EPHA6: variants seen among roughly 807,000 people sequenced by gnomAD.
EPHA6 encodes the protein EPH receptor A6.
In EPHA6, 50 loss-of-function variants were observed where a neutral mutation model predicts 112.0. The ratio of observed to expected loss-of-function variants is 0.45; its 90% CI spans 0.36 to 0.56. The LOEUF (loss-of-function observed/expected upper bound fraction) is 0.56. Ranked by LOEUF, EPHA6 falls within the 20% of genes least tolerant of loss-of-function variation. The pLI is 0.00. For missense variants in EPHA6, 1,280 were observed against 1,417.4 expected (o/e 0.90, Z 1.56); for synonymous variants, 529 against 490.7 (o/e 1.08, Z -1.03).
intron 3 of EPHA6, among the ~76,000 whole-genome samples, chr3:97,217,826 C>T (rs895597943): frequency 1.3e-5 from 2 of 152,106 alleles, no homozygotes; most frequent in Non-Finnish European, 2.9e-5. Context: ...GAGTCCATCT[C>T]TGAAGGAAAT....
intron 5 of EPHA6, among the ~76,000 whole-genome samples, chr3:97,321,795 A>G (rs765420718): frequency 6.6e-6 from 1 of 152,108 alleles, no homozygotes. Context: ...TTTGTTAACT[A>G]TAGACTAGCT....
At position 97,759,707 on chromosome 3, in the gene EPHA6, GT is replaced by G. The variant is rs768129232; in HGVS notation, c.*11015del. The stretch of plus-strand genomic sequence containing the variant: ...GAAAGGGAAGGATGTCACTACGTAA[GT>G]TTTTTTTTAATTTTACCAAGAATGA... On this transcript the variant is annotated 3_prime_UTR_variant, in exon 18 of 18. Coordinates refer to ENST00000389672, the MANE Select transcript of EPHA6 (RefSeq NM_001080448.3). The G allele has an allele frequency of 8.9e-5, 20 of 225,982 alleles. No individual in the cohort carries two copies. Among genetic ancestry groups the G allele is most frequent in the African/African-American group, 1.3e-4 (6 of 44,840 alleles). 14.0% of individuals were successfully genotyped at this position (225,982 alleles called of 1,614,324 possible).
chr3:97,687,702 A>G (rs1056526511), intron 14 of EPHA6, among the ~76,000 whole-genome samples: 1 of 152,232 alleles, frequency 6.6e-6, no homozygotes, highest in African/African-American at 2.4e-5. Flanking sequence ...TTGGTGTGAT[A>G]ATGCTGCATA....
chr3:97,553,940 C>T (rs1217124400), intron 11 of EPHA6, among the ~76,000 whole-genome samples: 1 of 152,078 alleles, frequency 6.6e-6, no homozygotes, highest in African/African-American at 2.4e-5. Context: ...TGTTTGTATG[C>T]ATCATCTATA....
intron 2 of EPHA6, among the ~76,000 whole-genome samples, chr3:96,935,392 T>C (rs925363765): frequency 6.6e-6 from 1 of 151,542 alleles, no homozygotes; most frequent in Admixed American, 6.6e-5. Flanking sequence ...ATATTTAATT[T>C]TGGTTAAACA....
chr3:97,457,955 C>CT (rs2090748865), intron 7 of EPHA6, among the ~76,000 whole-genome samples: 1 of 149,318 alleles, frequency 6.7e-6, no homozygotes, highest in Non-Finnish European at 1.5e-5. Context: ...GTAGTCCCAG[C>CT]TACTAGGGAG....
intron 1 of EPHA6, among the ~76,000 whole-genome samples, chr3:96,826,828 C>T (rs1204784893): frequency 1.3e-5 from 2 of 152,050 alleles, no homozygotes; most frequent in Non-Finnish European, 2.9e-5. Flanking sequence ...CTTCTGAAGA[C>T]TCATGCACAC....
At chr3:97,172,069 G>A (rs1236452527) in intron 3 of EPHA6, among the ~76,000 whole-genome samples, 1 of 151,914 alleles carries the variant, frequency 6.6e-6, no homozygotes, top group African/African-American at 2.4e-5. Context: ...AAATGATGAG[G>A]GGAAGCCAGG....
chr3:97,562,949 C>T (rs1328160762), intron 11 of EPHA6, among the ~76,000 whole-genome samples: 1 of 152,026 alleles, frequency 6.6e-6, no homozygotes. Flanking sequence ...TTAATTAAAC[C>T]AAATACAAAA....
intron 3 of EPHA6, among the ~76,000 whole-genome samples, chr3:97,060,755 C>CA (rs1037112773): frequency 1.9e-3 from 272 of 146,302 alleles, no homozygotes; most frequent in African/African-American, 3.0e-3. Flanking sequence ...ACTAAAAATA[C>CA]AAAAAAAAAA....
chr3:96,940,201 TGTTAAA>T (rs2040855534), intron 2 of EPHA6, among the ~76,000 whole-genome samples: 1 of 152,196 alleles, frequency 6.6e-6, no homozygotes, highest in Admixed American at 6.5e-5. Flanking sequence ...GACAGTGTGG[TGTTAAA>T]GTCTTCCATT....
chr3:97,364,195 C>T (rs762111684), intron 5 of EPHA6, among the ~76,000 whole-genome samples: 3 of 151,676 alleles, frequency 2.0e-5, no homozygotes, highest in Non-Finnish European at 4.4e-5. Context: ...AAAAAGAGTT[C>T]TGAATTAGTG....
intron 6 of EPHA6, among the ~76,000 whole-genome samples, chr3:97,418,228 A>G (rs997648097): frequency 1.3e-5 from 2 of 151,620 alleles, no homozygotes; most frequent in Non-Finnish European, 1.5e-5. Flanking sequence ...CTAATAAATG[A>G]TACTAATAAT....
intron 7 of EPHA6, among the ~76,000 whole-genome samples, chr3:97,450,442 G>A (rs1165260455): frequency 6.6e-6 from 1 of 151,950 alleles, no homozygotes; most frequent in Non-Finnish European, 1.5e-5. Context: ...TGACATTGTT[G>A]AGTATTGCAT....
chr3:97,128,854 C>T (rs543709698), intron 3 of EPHA6, among the ~76,000 whole-genome samples: 2 of 147,518 alleles, frequency 1.4e-5, no homozygotes, highest in East Asian at 4.0e-4. Flanking sequence ...CTTTCTTCTA[C>T]TACCTGAATT....
intron 5 of EPHA6, among the ~76,000 whole-genome samples, chr3:97,308,130 T>G (rs951035747): frequency 9.2e-5 from 14 of 151,724 alleles, no homozygotes; most frequent in Admixed American, 2.0e-4. Flanking sequence ...ATTTTACAAA[T>G]TGTGTTTTAA....
At position 97,378,709 on chromosome 3, in the gene EPHA6, C is replaced by T. The variant is rs147368085; in HGVS notation, c.1607-26441C>T. Among the ~76,000 whole-genome samples the T allele has an allele frequency of 8.2e-3, 1,253 of 152,296 alleles. 13 individuals are homozygous for T. The highest frequency in any genetic ancestry group is 0.027 in the African/African-American group (1,114 of 41,562). On this transcript the variant is annotated intron_variant, in intron 5 of 17. Transcript: ENST00000389672. ...ATCATTTTGGAGCTTTAAAATTTGACTGCCCCATTGGATTTCAGACTTTCA... is the reference window on the plus strand; with the variant it reads ...ATCATTTTGGAGCTTTAAAATTTGATTGCCCCATTGGATTTCAGACTTTCA...
chr3:97,693,354 T>G (rs1348023927), intron 14 of EPHA6, among the ~76,000 whole-genome samples: 5 of 152,204 alleles, frequency 3.3e-5, no homozygotes, highest in African/African-American at 1.2e-4. Context: ...AGTTTTCTAA[T>G]CAGAAGCCTG....
chr3:96,919,278 A>G (rs2039641404), intron 2 of EPHA6, among the ~76,000 whole-genome samples: 2 of 151,942 alleles, frequency 1.3e-5, no homozygotes, highest in Non-Finnish European at 2.9e-5. Context: ...AATATAAAGT[A>G]TCATGAACTT....
Sources: allele counts gnomAD v4.1 joint callset (sites outside exome capture counted in the v4.1 genomes callset), GRCh38; gene constraint gnomAD v4.1.1; transcripts MANE v1.5; gene names NCBI Gene and HGNC (gene_info 2026-07-23, HGNC 2026-07-21).